PLEC: variants seen among roughly 807,000 people sequenced by gnomAD.
PLEC encodes the protein hemidesmosomal protein 1.
In PLEC, 216 loss-of-function variants were observed where a neutral mutation model predicts 392.8. The observed-to-expected ratio is 0.55, with a 90% confidence interval of 0.49 to 0.62. The LOEUF (loss-of-function observed/expected upper bound fraction) is 0.62. PLEC is among the 20% of genes least tolerant of loss of function. PLEC has a pLI of 0.00. For synonymous variants in PLEC, 3,621 were observed against 2,980.6 expected (o/e 1.21, Z -7.00); for missense variants, 6,863 against 6,563.4 (o/e 1.05, Z -1.58).
chr8:143,947,627 G>C (rs1387637797), intron 1 of PLEC, among the ~76,000 whole-genome samples: 5 of 151,984 alleles, frequency 3.3e-5, no homozygotes, highest in Non-Finnish European at 7.4e-5. Context: ...GCTCATGCCT[G>C]TAATCCCAGC....
At chr8:143,953,980 C>A (rs1025181624), upstream of PLEC, 16 of 1,274,068 alleles carry the variant, frequency 1.3e-5, no homozygotes, top group African/African-American at 4.8e-5. Flanking sequence ...CCCTCCCCCC[C>A]AGCCTGTGGT....
At chr8:143,943,667 A>T, upstream of PLEC, 1 of 1,020,824 alleles carries the variant, frequency 9.8e-7, no homozygotes, top group Non-Finnish European at 1.5e-6. Flanking sequence ...CACTGCTTTC[A>T]CTGACATTCA....
At chr8:143,956,223 C>T (rs1832586200), upstream of PLEC, among the ~76,000 whole-genome samples, 1 of 152,182 alleles carries the variant, frequency 6.6e-6, no homozygotes, top group African/African-American at 2.4e-5. Context: ...GCTAGGATTA[C>T]AGGCATAAGC....
chr8:143,946,419 G>C (rs1468163112), intron 1 of PLEC: 4 of 1,285,760 alleles, frequency 3.1e-6, no homozygotes, highest in Non-Finnish European at 4.1e-6. Context: ...AGGCTGCTCC[G>C]AGAGCCGGCA....
upstream of PLEC, among the ~76,000 whole-genome samples, chr8:143,953,214 T>G (rs1453816526): frequency 6.7e-6 from 1 of 148,558 alleles, no homozygotes; most frequent in African/African-American, 2.5e-5. Flanking sequence ...CCCTTTGGGT[T>G]TCCAGAGCAA....
rs368120516 is a variant in PLEC, at chr8:143,921,373, G to A, written c.8448C>T (p.Ile2816=). Residue 2816 remains isoleucine (I), a synonymous_variant, in exon 32 of 32, where the codon ATC becomes ATT. Coordinates refer to ENST00000345136, the MANE Select transcript of PLEC (RefSeq NM_201384.3). The stretch of plus-strand genomic sequence containing the variant: ...GCACGCGGTGGCTGTGCACGGGGTC[G>A]ATAACGCCGCCCGTGGCGATCTGGG... ...LEAQIATGGV[I]DPVHSHRVPV... 2.6e-5 allele frequency: 42 copies of A among 1,613,372 alleles called. No homozygotes were observed. In the East Asian group the frequency reaches 4.2e-4, roughly 16 times the overall value.
Position 143,933,286 on chromosome 8 carries a change from G to T in PLEC, c.1329C>A (p.Asp443Glu). The T allele has an allele frequency of 6.2e-7, 1 of 1,613,102 alleles. No individual in the cohort carries two copies. Among genetic ancestry groups the T allele is most frequent in the Non-Finnish European group, 8.5e-7 (1 of 1,179,950 alleles). Reference protein sequence around the residue: ...QRAGEVERDLDKADSMIRLLF... With the variant: ...QRAGEVERDLEKADSMIRLLF... ...GCAGCCGGATCATGCTATCCGCCTT[G>T]TCCAAGTCCCGTTCCACCTCCCCCG... The change falls in exon 13 of 32, where the codon GAC (aspartate) becomes GAA (glutamate). Residue 443 changes from aspartate to glutamate, a missense_variant. Asp to Glu is a conservative substitution (Grantham distance 45, BLOSUM62 2). Transcript: ENST00000345136.
At position 143,918,569 on chromosome 8, in the gene PLEC, C is replaced by T. The variant is rs1821384628; in HGVS notation, c.11252G>A (p.Gly3751Asp). The T allele has an allele frequency of 1.2e-6, 2 of 1,611,608 alleles. No individual in the cohort carries two copies. The highest frequency in any genetic ancestry group is 1.7e-6 in the Non-Finnish European group (2 of 1,179,724). Reference protein sequence around the residue: ...RLTVDEAVRKGLVGPELHDRL... With the variant: ...RLTVDEAVRKDLVGPELHDRL... ...GTCGTGCAGCTCGGGCCCCACGAGG[C>T]CCTTCCGCACAGCCTCATCCACAGT... is the stretch of plus-strand genomic sequence containing the variant. The change falls in exon 32 of 32, where the codon GGC becomes GAC. Residue 3751 changes from glycine (G) to aspartate (D), a missense_variant. Gly to Asp is a moderately conservative substitution (Grantham distance 94). Transcript: ENST00000345136.
rs369973592 is a variant in PLEC, at chr8:143,930,032, C to A, written c.2643G>T (p.Thr881=). The A allele has an allele frequency of 7.4e-6, 12 of 1,612,016 alleles. No homozygotes were observed. In the South Asian group the frequency reaches 8.8e-5, roughly 12 times the overall value. The change falls in exon 22 of 32, where the codon ACG becomes ACT. Residue 881 remains threonine (T), a synonymous_variant. Transcript: ENST00000345136. The part of the protein sequence containing the change: ...RLEAQHQALV[T]LWHQLHVDMK... ...TGTCCACGTGCAACTGGTGCCACAG[C>A]GTGACCAGGGCCTGGTGCTGGGCCT...
At position 143,934,855 on chromosome 8, in the gene PLEC, G is replaced by A. The variant is rs371809509; in HGVS notation, c.900C>T (p.Ala300=). The change falls in exon 9 of 32, where the codon GCC becomes GCT. Residue 300 remains alanine (A), a synonymous_variant. Coordinates refer to ENST00000345136, the MANE Select transcript of PLEC (RefSeq NM_201384.3). The part of the protein sequence containing the change: ...LLLQWMRHHT[A]AFEERRFPSS... Reference sequence around the variant, plus strand: ...AGGGGAACCTGCGTTCCTCAAAGGCGGCCGTGTGGTGTCGCATCCACTGAA... The same window carrying A: ...AGGGGAACCTGCGTTCCTCAAAGGCAGCCGTGTGGTGTCGCATCCACTGAA... The A allele has an allele frequency of 5.8e-5, 93 of 1,611,298 alleles. No homozygotes were observed. In the East Asian group the frequency reaches 7.6e-4, roughly 13 times the overall value.
At chr8:143,938,117 A>G (rs1554724967) in intron 3 of PLEC, 34 bp downstream of exon 3, 2 of 1,515,932 alleles carry the variant, frequency 1.3e-6, no homozygotes, top group African/African-American at 1.4e-5. Flanking sequence ...CAGGTGGGGC[A>G]GGCGGGGCCC....
At chr8:143,958,545 ACCAC>A (rs1340374263), upstream of PLEC, 1 of 381,448 alleles carries the variant, frequency 2.6e-6, no homozygotes, top group East Asian at 7.8e-5. The surrounding 1 kb of genome is among the most constrained non-coding windows in gnomAD (Gnocchi z 4.9). Flanking sequence ...TGGCCTGGCC[ACCAC>A]CCTTTCACCT....
At position 143,938,377 on chromosome 8, in the gene PLEC, AC is replaced by A. The variant is rs782238414; in HGVS notation, c.175-138del. On this transcript the variant is annotated intron_variant, in intron 2 of 31. Transcript: ENST00000345136. ...AGTCTCCCGGGAGCCCACGGAACACACCCTGCCCCACGGAGGCACCTACCTC... is the reference window on the plus strand; with the variant it reads ...AGTCTCCCGGGAGCCCACGGAACACACCTGCCCCACGGAGGCACCTACCTC... 1,777 of 1,534,554 alleles carry A rather than the reference AC, an allele frequency of 1.2e-3. 2 individuals are homozygous for A. The highest frequency in any genetic ancestry group is 2.2e-3 in the Admixed American group (113 of 50,994).
Position 143,919,395 on chromosome 8 carries a change from C to T in PLEC, c.10426G>A (p.Asp3476Asn), listed in dbSNP as rs782148173. 1.4e-5 allele frequency: 23 copies of T among 1,613,386 alleles called. No individual in the cohort carries two copies. The highest frequency in any genetic ancestry group is 1.6e-4 in the Middle Eastern group (1 of 6,074). Reference sequence around the variant, plus strand: ...GGCACGCGGTGGCTGTGCACGGGGTCGATGATGCCGCCCGTGGCGATCTGG... The same window carrying T: ...GGCACGCGGTGGCTGTGCACGGGGTTGATGATGCCGCCCGTGGCGATCTGG... ...EAQIATGGII[D>N]PVHSHRVPVD... Residue 3476 changes from aspartate to asparagine, a missense_variant, in exon 32 of 32, where the codon GAC (aspartate) becomes AAC (asparagine). Asp to Asn is a conservative substitution (Grantham distance 23). Transcript: ENST00000345136.
chr8:143,943,938 G>A (rs369790722), upstream of PLEC: 9 of 1,589,052 alleles, frequency 5.7e-6, no homozygotes, highest in East Asian at 2.3e-5. Flanking sequence ...GCTGGGAACC[G>A]GCTGCTCCAG....
At position 143,918,034 on chromosome 8, in the gene PLEC, C is replaced by G. The variant is rs1821136726; in HGVS notation, c.11787G>C (p.Leu3929=). Residue 3929 remains leucine, a synonymous_variant, in exon 32 of 32, where the codon CTG becomes CTC. Coordinates refer to ENST00000345136, the MANE Select transcript of PLEC (RefSeq NM_201384.3). ...EEVTKNLQKF[L]EGTSCIAGVF... ...CACCAGCGATGCAGCTGGTGCCTTC[C>G]AGGAACTTCTGCAAGTTCTTGGTGA... The G allele has an allele frequency of 3.1e-6, 5 of 1,609,362 alleles. No homozygotes were observed. The East Asian group carries it at 1.1e-4, about 36-fold the overall frequency.
At position 143,916,146 on chromosome 8, in the gene PLEC, CG is replaced by C; in HGVS notation, c.*30del. 6.7e-7 allele frequency: 1 copy of C among 1,494,418 alleles called. No individual in the cohort carries two copies. The highest frequency in any genetic ancestry group is 1.3e-5 in the South Asian group (1 of 78,150). The allele number at this position is 1,494,418 out of a possible 1,614,324, so 92.6% of individuals were successfully genotyped here. A position where few individuals can be genotyped will look rare whatever the true frequency, so the allele number is the denominator to read the frequency against. Reference sequence around the variant, plus strand: ...CGCCTCGGTGGGAGCCGGGCTGGGCCGCATGCAGAGCGGGGTGGGCGCAGGC... The same window carrying C: ...CGCCTCGGTGGGAGCCGGGCTGGGCCCATGCAGAGCGGGGTGGGCGCAGGC... On this transcript the variant is annotated 3_prime_UTR_variant, in exon 32 of 32. Transcript: ENST00000345136.
upstream of PLEC, among the ~76,000 whole-genome samples, chr8:143,952,068 GA>G (rs1269840807): frequency 6.6e-6 from 1 of 152,174 alleles, no homozygotes; most frequent in African/African-American, 2.4e-5. Context: ...GAGTGGGAGA[GA>G]GGGGGGATCC....
chr8:143,971,526 G>T (rs922477128), intron 1 of PLEC, among the ~76,000 whole-genome samples: 1 of 152,152 alleles, frequency 6.6e-6, no homozygotes, highest in Admixed American at 6.5e-5. Context: ...CAGAGGTCAG[G>T]CCTGGAAAGG....
Sources: gnomAD v4.1 joint callset for allele counts (sites outside exome capture counted in the v4.1 genomes callset) on GRCh38, gnomAD v4.1.1 for gene constraint, Gnocchi (gnomAD v3.1) non-coding constraint, MANE v1.5 for transcripts, NCBI Gene and HGNC (gene_info 2026-07-23, HGNC 2026-07-21) for gene names.